The following TBCA variants were observed in gnomAD, a reference collection of about 807,000 sequenced individuals.
TBCA encodes tubulin-specific chaperone A.
TBCA carries 6 observed loss-of-function variants against 15.8 expected under a neutral mutation model. The observed-to-expected ratio is 0.38, with a 90% confidence interval of 0.21 to 0.75. TBCA has a LOEUF of 0.75. Ranked by LOEUF, TBCA falls within the 30% of genes least tolerant of loss-of-function variation. The pLI, the probability that TBCA is intolerant of heterozygous loss-of-function variation, is 0.46. For missense variants in TBCA, 90 were observed against 131.2 expected, an observed-to-expected ratio of 0.69 and a Z score of 1.53; for synonymous variants, 32 against 42.3, an observed-to-expected ratio of 0.76 and a Z score of 0.94.
chr5:77,694,438 T>A (rs909462447), intron 2 of TBCA, among the ~76,000 whole-genome samples: 1 of 152,086 alleles, frequency 6.6e-6, no homozygotes, highest in Non-Finnish European at 1.5e-5. Context: ...AAAACTGGAC[T>A]ATAACACATC....
intron 1 of TBCA, among the ~76,000 whole-genome samples, chr5:77,757,600 T>A (rs1747505885): frequency 6.6e-6 from 1 of 152,180 alleles, no homozygotes; most frequent in Admixed American, 6.5e-5. Flanking sequence ...CTCAGCCAAT[T>A]GTCCTGTTGG....
chr5:77,746,254 C>A (rs1271183005), intron 1 of TBCA, among the ~76,000 whole-genome samples: 1 of 151,846 alleles, frequency 6.6e-6, no homozygotes, highest in African/African-American at 2.4e-5. Context: ...CATATTGAGG[C>A]CCCGTCTCTA....
intron 1 of TBCA, among the ~76,000 whole-genome samples, chr5:77,763,247 AAAAATAAATAAAT>A (rs1227324815): frequency 4.6e-5 from 7 of 152,234 alleles, no homozygotes; most frequent in East Asian, 3.9e-4. Context: ...CCGTCTCAAA[AAAAATAAATAAAT>A]AAAATAAATA....
chr5:77,735,368 G>A (rs193086767), intron 1 of TBCA, among the ~76,000 whole-genome samples: 69 of 152,054 alleles, frequency 4.5e-4, no homozygotes, highest in African/African-American at 1.5e-3. Flanking sequence ...TTTATCTACC[G>A]AGACATGCCT....
intron 1 of TBCA, among the ~76,000 whole-genome samples, chr5:77,738,435 C>T (rs1275049705): frequency 3.3e-5 from 5 of 152,222 alleles, no homozygotes; most frequent in Admixed American, 3.3e-4. Flanking sequence ...TATTCAACAT[C>T]ATGGTTAATA....
chr5:77,727,241 A>G (rs1321474466), intron 1 of TBCA, among the ~76,000 whole-genome samples: 3 of 145,840 alleles, frequency 2.1e-5, no homozygotes, highest in Admixed American at 1.4e-4. Flanking sequence ...TGTCTCAGGA[A>G]AAAAAAAAAA....
chr5:77,747,635 G>A (rs572428511), intron 1 of TBCA, among the ~76,000 whole-genome samples: 125 of 152,136 alleles, frequency 8.2e-4, no homozygotes, highest in Non-Finnish European at 1.5e-3. Context: ...GTTGTTGTCC[G>A]AATCACTTTC....
At position 77,696,499 on chromosome 5, in the gene TBCA, T is replaced by C. The variant is rs576923155; in HGVS notation, c.160-3147A>G. Among the ~76,000 whole-genome samples, 5 of 152,282 alleles carry C rather than the reference T, an allele frequency of 3.3e-5. No homozygotes were observed. In the South Asian group the frequency reaches 1.0e-3, roughly 32 times the overall value. On this transcript the variant is annotated intron_variant, in intron 2 of 3. Coordinates refer to ENST00000380377, the MANE Select transcript of TBCA (RefSeq NM_004607.3). Reference sequence around the variant, plus strand: ...TTACTTTAAATGTAAATGATGTAAATACACTAGTTAAGAGGCAGAGATTCA... The same window carrying C: ...TTACTTTAAATGTAAATGATGTAAACACACTAGTTAAGAGGCAGAGATTCA...
intron 1 of TBCA, among the ~76,000 whole-genome samples, chr5:77,709,951 G>A (rs1339612082): frequency 6.6e-6 from 1 of 152,028 alleles, no homozygotes; most frequent in Non-Finnish European, 1.5e-5. Context: ...TATCCAGAAC[G>A]GGCAAATCTA....
intron 1 of TBCA, among the ~76,000 whole-genome samples, chr5:77,746,258 G>A (rs904480647): frequency 2.6e-5 from 4 of 151,784 alleles, no homozygotes; most frequent in African/African-American, 9.7e-5. Flanking sequence ...TTGAGGCCCC[G>A]TCTCTATGAA....
Position 77,776,313 on chromosome 5 carries a change from C to G in TBCA, c.-56G>C, listed in dbSNP as rs1748030086. 6 of 1,548,712 alleles carry G rather than the reference C, an allele frequency of 3.9e-6. No individual in the cohort carries two copies. Among genetic ancestry groups the G allele is most frequent in the South Asian group, 3.6e-5 (3 of 84,064 alleles). ...GGAGAGCCGGGGTAACCGTGGAGGG[C>G]GACGCGCAGAGGCTGCGGCTATTTA... is the stretch of plus-strand genomic sequence containing the variant. On this transcript the variant is annotated 5_prime_UTR_variant, in exon 1 of 4. Coordinates refer to ENST00000380377, the MANE Select transcript of TBCA (RefSeq NM_004607.3).
chr5:77,733,136 C>A (rs1746813927), intron 1 of TBCA, among the ~76,000 whole-genome samples: 1 of 152,138 alleles, frequency 6.6e-6, no homozygotes, highest in Non-Finnish European at 1.5e-5. Flanking sequence ...CAAAAATTAT[C>A]CAGACATCGT....
At chr5:77,705,125 A>C (rs894319220) in intron 2 of TBCA, among the ~76,000 whole-genome samples, 1 of 152,260 alleles carries the variant, frequency 6.6e-6, no homozygotes, top group Non-Finnish European at 1.5e-5. Flanking sequence ...GATGATACAT[A>C]CATAACTATA....
At chr5:77,750,779 C>T (rs535933688) in intron 1 of TBCA, among the ~76,000 whole-genome samples, 1 of 152,298 alleles carries the variant, frequency 6.6e-6, no homozygotes, top group East Asian at 1.9e-4. Flanking sequence ...GCCAGGTGGT[C>T]CGGGTACAGC....
At chr5:77,697,990 C>T (rs1745909851) in intron 2 of TBCA, among the ~76,000 whole-genome samples, 1 of 151,838 alleles carries the variant, frequency 6.6e-6, no homozygotes, top group Non-Finnish European at 1.5e-5. Flanking sequence ...TGTGGTGACA[C>T]ACATCTGTAG....
chr5:77,745,157 A>G (rs1747157743), intron 1 of TBCA, among the ~76,000 whole-genome samples: 2 of 152,216 alleles, frequency 1.3e-5, no homozygotes, highest in African/African-American at 4.8e-5. Flanking sequence ...TTATGTTGCC[A>G]AAACAAGAAA....
At chr5:77,758,743 T>C (rs1747537069) in intron 1 of TBCA, among the ~76,000 whole-genome samples, 1 of 152,208 alleles carries the variant, frequency 6.6e-6, no homozygotes, top group Non-Finnish European at 1.5e-5. Flanking sequence ...AAGTTGTATG[T>C]ATGCCTGCCT....
intron 1 of TBCA, among the ~76,000 whole-genome samples, chr5:77,738,361 A>G (rs1048407348): frequency 6.6e-6 from 1 of 152,334 alleles, no homozygotes; most frequent in Admixed American, 6.5e-5. Flanking sequence ...TGCTATATAT[A>G]TGGCCCTAAG....
chr5:77,726,731 T>C (rs1054771592), intron 1 of TBCA, among the ~76,000 whole-genome samples: 1 of 152,226 alleles, frequency 6.6e-6, no homozygotes, highest in South Asian at 2.1e-4. Context: ...AGCTGAATGA[T>C]AACATTTTTC....
Sources: allele counts gnomAD v4.1 joint callset (sites outside exome capture counted in the v4.1 genomes callset), GRCh38; gene constraint gnomAD v4.1.1; transcripts MANE v1.5; gene names NCBI Gene and HGNC (gene_info 2026-07-23, HGNC 2026-07-21).